STK32B: variants seen among roughly 807,000 people sequenced by gnomAD.
STK32B encodes serine/threonine-protein kinase 32B.
Under a neutral mutation model 52.6 loss-of-function variants are expected in STK32B, and 43 were observed. That is an observed-to-expected ratio of 0.82 (90% CI 0.64 to 1.05). STK32B has a LOEUF of 1.05. STK32B is among the 50% of genes least tolerant of loss of function. The pLI is 0.00. For missense variants in STK32B, 621 were observed against 534.6 expected (o/e 1.16, Z -1.59); for synonymous variants, 238 against 204.3 (o/e 1.17, Z -1.41).
chr4:5,096,016 A>G (rs993124398), intron 1 of STK32B, among the ~76,000 whole-genome samples: 5 of 152,236 alleles, frequency 3.3e-5, no homozygotes, highest in Admixed American at 1.3e-4. Flanking sequence ...GGGATGTGGA[A>G]TTATGAAGAT....
chr4:5,338,298 A>G (rs1175847310), intron 4 of STK32B, among the ~76,000 whole-genome samples: 5 of 152,212 alleles, frequency 3.3e-5, no homozygotes, highest in African/African-American at 1.2e-4. Context: ...GTTCAGCGTA[A>G]TACACAACTG....
intron 9 of STK32B, among the ~76,000 whole-genome samples, chr4:5,462,341 C>A (rs532564406): frequency 6.9e-6 from 1 of 145,584 alleles, no homozygotes; most frequent in Non-Finnish European, 1.5e-5. Flanking sequence ...TATATGTGTC[C>A]GTGTGCCTGT....
chr4:5,235,649 T>G (rs915195602), intron 3 of STK32B, among the ~76,000 whole-genome samples: 4 of 151,596 alleles, frequency 2.6e-5, no homozygotes, highest in African/African-American at 9.8e-5. Flanking sequence ...CACCATGACT[T>G]GTTAAAGTAC....
At chr4:5,302,209 T>TAAAA (rs202157359) in intron 3 of STK32B, among the ~76,000 whole-genome samples, 3,647 of 138,696 alleles carry the variant, frequency 0.026, 158 homozygotes, top group African/African-American at 0.1. Flanking sequence ...ACAAAAATTG[T>TAAAA]AAAAAAAAAA....
At chr4:5,020,100 GT>G in the STK32B span, among the ~76,000 whole-genome samples, 1 of 152,182 alleles carries the variant, frequency 6.6e-6, no homozygotes, top group Non-Finnish European at 1.5e-5. Flanking sequence ...GGGAGTGTGA[GT>G]ACCCCCACCC....
At chr4:5,317,000 T>G (rs1478708953) in intron 3 of STK32B, among the ~76,000 whole-genome samples, 2 of 26,502 alleles carry the variant, frequency 7.5e-5, no homozygotes, top group Non-Finnish European at 1.0e-4. Context: ...TATGATATAA[T>G]ATATAATATA....
At chr4:5,314,506 C>G (rs1183939793) in intron 3 of STK32B, among the ~76,000 whole-genome samples, 1 of 152,104 alleles carries the variant, frequency 6.6e-6, no homozygotes, top group Non-Finnish European at 1.5e-5. Flanking sequence ...CCTGTCTCTA[C>G]TAAAAATACA....
chr4:5,351,910 A>G (rs992769114), intron 4 of STK32B, among the ~76,000 whole-genome samples: 1 of 152,122 alleles, frequency 6.6e-6, no homozygotes, highest in African/African-American at 2.4e-5. Flanking sequence ...GAAGAAATGG[A>G]AAACCTGGGC....
intron 3 of STK32B, among the ~76,000 whole-genome samples, chr4:5,216,702 G>T (rs1723203502): frequency 6.6e-6 from 1 of 152,218 alleles, no homozygotes; most frequent in African/African-American, 2.4e-5. Flanking sequence ...ACACAGCGGG[G>T]AAGGCTGAAG....
chr4:5,344,256 T>G (rs1005737378), intron 4 of STK32B, among the ~76,000 whole-genome samples: 2 of 152,220 alleles, frequency 1.3e-5, no homozygotes, highest in Non-Finnish European at 1.5e-5. Flanking sequence ...CAAAGTGGGT[T>G]TGGTACATTT....
intron 4 of STK32B, among the ~76,000 whole-genome samples, chr4:5,349,971 A>G (rs563420704): frequency 6.6e-6 from 1 of 152,214 alleles, no homozygotes; most frequent in African/African-American, 2.4e-5. Flanking sequence ...AGCAAAGCCT[A>G]TGTGACATAT....
chr4:5,224,358 C>CTT (rs1039986197), intron 3 of STK32B, among the ~76,000 whole-genome samples: 1 of 152,138 alleles, frequency 6.6e-6, no homozygotes, highest in Non-Finnish European at 1.5e-5. Flanking sequence ...ACCTGCATAT[C>CTT]TTTTTTGGAG....
At position 5,469,820 on chromosome 4, in the gene STK32B, G is replaced by A. The variant is rs75807137; in HGVS notation, c.1106+1750G>A. 8.6e-3 allele frequency among the ~76,000 whole-genome samples: 1,312 copies of A among 152,318 alleles called. 23 individuals are homozygous for A. Among genetic ancestry groups the A allele is most frequent in the African/African-American group, 0.03 (1,258 of 41,580 alleles). On this transcript the variant is annotated intron_variant, in intron 11 of 11. Coordinates refer to ENST00000282908, the MANE Select transcript of STK32B (RefSeq NM_018401.3). This position sits in a 1 kb window ranked among gnomAD's most constrained non-coding sequence, Gnocchi z 4.7. ...AGACTTGGGGAAGACGGGGGCTGAT[G>A]TCGTGAGTGGTTTCGGAGCTTATCC...
At chr4:5,127,152 A>T (rs1283212249) in intron 1 of STK32B, 1 of 503,562 alleles carries the variant, frequency 2.0e-6, no homozygotes, top group Non-Finnish European at 4.0e-6. Context: ...GCCAATGATT[A>T]CATTTTTACT....
chr4:5,068,976 A>G (rs985239507), intron 1 of STK32B, among the ~76,000 whole-genome samples: 3 of 152,172 alleles, frequency 2.0e-5, no homozygotes, highest in Admixed American at 6.5e-5. Context: ...GTATGTTATT[A>G]TTAACAACGG....
At chr4:5,196,566 C>T (rs972945682) in intron 3 of STK32B, among the ~76,000 whole-genome samples, 18 of 151,474 alleles carry the variant, frequency 1.2e-4, no homozygotes, top group Admixed American at 3.3e-4. Context: ...TCTAAAAATA[C>T]AAAAATTAGC....
chr4:5,072,526 A>G (rs2108768278), intron 1 of STK32B, among the ~76,000 whole-genome samples: 1 of 152,210 alleles, frequency 6.6e-6, no homozygotes, highest in Non-Finnish European at 1.5e-5. Flanking sequence ...TCATCATTTC[A>G]ACACCAAGAC....
chr4:5,323,004 C>G (rs1418942459), intron 3 of STK32B, among the ~76,000 whole-genome samples: 1 of 152,176 alleles, frequency 6.6e-6, no homozygotes, highest in African/African-American at 2.4e-5. Context: ...CTCTCTTGTC[C>G]TTGGTTTCCT....
At chr4:5,036,199 G>C in the STK32B span, among the ~76,000 whole-genome samples, 1 of 152,144 alleles carries the variant, frequency 6.6e-6, no homozygotes, top group Non-Finnish European at 1.5e-5. Context: ...TAATACTATA[G>C]ATGTGAAACC....
Sources: allele counts gnomAD v4.1 joint callset (sites outside exome capture counted in the v4.1 genomes callset), GRCh38; gene constraint gnomAD v4.1.1; non-coding constraint Gnocchi (gnomAD v3.1); transcripts MANE v1.5; gene names NCBI Gene and HGNC (gene_info 2026-07-23, HGNC 2026-07-21).